The following PDE4B variants were observed in gnomAD, a reference collection of about 807,000 sequenced individuals.
The protein encoded by PDE4B is 3',5'-cyclic-AMP phosphodiesterase 4B.
A neutral mutation model predicts 82.2 loss-of-function variants in PDE4B; 20 were observed. The observed-to-expected ratio is 0.24, with a 90% confidence interval of 0.17 to 0.35. The LOEUF (loss-of-function observed/expected upper bound fraction) is 0.35. PDE4B is among the 10% of genes least tolerant of loss of function. The pLI is 1.00. For synonymous variants in PDE4B, 320 were observed against 318.9 expected (o/e 1.00, Z -0.04); for missense variants, 655 against 907.2 (o/e 0.72, Z 3.57).
intron 3 of PDE4B, among the ~76,000 whole-genome samples, chr1:65,939,565 A>G (rs946784690): frequency 6.6e-6 from 1 of 152,166 alleles, no homozygotes; most frequent in African/African-American, 2.4e-5. Context: ...AGCCTACCTC[A>G]TAAGTAATAC....
intron 4 of PDE4B, among the ~76,000 whole-genome samples, chr1:66,256,288 T>C (rs1557662513): frequency 6.6e-6 from 1 of 152,250 alleles, no homozygotes; most frequent in Non-Finnish European, 1.5e-5. Context: ...GTCTCAGTTC[T>C]TCTACTTACT....
chr1:66,300,975 A>G (rs1277564692), intron 7 of PDE4B, among the ~76,000 whole-genome samples: 1 of 152,186 alleles, frequency 6.6e-6, no homozygotes, highest in Non-Finnish European at 1.5e-5. Flanking sequence ...TATTAATATC[A>G]CAAACAGGCT....
chr1:66,177,556 A>G (rs976636177), intron 3 of PDE4B, among the ~76,000 whole-genome samples: 5 of 152,220 alleles, frequency 3.3e-5, no homozygotes, highest in African/African-American at 9.6e-5. Flanking sequence ...TTTGAAAACT[A>G]ATAATCACTC....
intron 7 of PDE4B, chr1:66,266,964 T>C (rs1409695761): frequency 4.8e-6 from 1 of 210,270 alleles, no homozygotes; most frequent in African/African-American, 2.3e-5. Flanking sequence ...CCAGCAGCGC[T>C]TCATACTTAA....
At chr1:66,229,307 C>A (rs929920380) in intron 3 of PDE4B, among the ~76,000 whole-genome samples, 1 of 152,102 alleles carries the variant, frequency 6.6e-6, no homozygotes, top group African/African-American at 2.4e-5. Flanking sequence ...CCATGCCCGG[C>A]CCCCCAGAGG....
intron 1 of PDE4B, among the ~76,000 whole-genome samples, chr1:65,892,186 G>A (rs1396233791): frequency 1.3e-5 from 2 of 152,036 alleles, no homozygotes; most frequent in Admixed American, 1.3e-4. Context: ...TTACTGGTGA[G>A]GAAACTGAGG....
At chr1:66,151,354 T>TG (rs1166360702) in intron 3 of PDE4B, among the ~76,000 whole-genome samples, 2 of 152,200 alleles carry the variant, frequency 1.3e-5, no homozygotes, top group Non-Finnish European at 2.9e-5. Context: ...ATGTGGAACT[T>TG]GCTGAACCCC....
intron 8 of PDE4B, among the ~76,000 whole-genome samples, chr1:66,340,299 AG>A (rs1335493752): frequency 2.0e-5 from 3 of 152,240 alleles, no homozygotes; most frequent in Non-Finnish European, 4.4e-5. Flanking sequence ...CCACAAAGAA[AG>A]GACTGTTAAG....
At chr1:65,890,318 C>T (rs1646839606) in intron 1 of PDE4B, among the ~76,000 whole-genome samples, 1 of 152,012 alleles carries the variant, frequency 6.6e-6, no homozygotes. Context: ...TGGCTGAGCA[C>T]ATCAGGTTTC....
intron 1 of PDE4B, among the ~76,000 whole-genome samples, chr1:65,912,372 T>C (rs924046451): frequency 2.0e-5 from 3 of 152,168 alleles, no homozygotes; most frequent in African/African-American, 7.2e-5. Context: ...TAGATACTAT[T>C]TCACCTTTTA....
chr1:66,301,372 C>T (rs1399419937), intron 7 of PDE4B, among the ~76,000 whole-genome samples: 1 of 152,046 alleles, frequency 6.6e-6, no homozygotes, highest in African/African-American at 2.4e-5. Context: ...AAACCGTTTT[C>T]ACTTTCATTT....
At chr1:65,932,026 C>A (rs1328205848) in intron 3 of PDE4B, among the ~76,000 whole-genome samples, 1 of 152,184 alleles carries the variant, frequency 6.6e-6, no homozygotes, top group Non-Finnish European at 1.5e-5. Flanking sequence ...CTGCTTCCAA[C>A]ATCTTCTTGG....
At chr1:66,044,226 C>T (rs928680632) in intron 3 of PDE4B, among the ~76,000 whole-genome samples, 3 of 151,550 alleles carry the variant, frequency 2.0e-5, no homozygotes. Flanking sequence ...AAACATACTG[C>T]TTTCTATTTT....
chr1:66,255,768 T>C (rs536054213), intron 4 of PDE4B, among the ~76,000 whole-genome samples: 3 of 152,368 alleles, frequency 2.0e-5, no homozygotes, highest in African/African-American at 4.8e-5. Flanking sequence ...AAAATGTCTA[T>C]TACAGTTTTT....
chr1:66,343,667 G>T (rs1330033311), intron 8 of PDE4B, among the ~76,000 whole-genome samples: 4 of 152,218 alleles, frequency 2.6e-5, no homozygotes, highest in African/African-American at 9.6e-5. Context: ...AAGGATGGAA[G>T]TGAAAAGCAA....
At chr1:65,900,710 G>T (rs575988167) in intron 1 of PDE4B, among the ~76,000 whole-genome samples, 3 of 151,902 alleles carry the variant, frequency 2.0e-5, no homozygotes, top group African/African-American at 7.2e-5. Flanking sequence ...TTACATTTTT[G>T]CATGACTATT....
In PDE4B at chr1:66,146,888, G is replaced by A. The variant is rs144072658; in HGVS notation, c.282-100572G>A. 8.3e-3 allele frequency among the ~76,000 whole-genome samples: 1,263 copies of A among 152,164 alleles called. 27 individuals are homozygous for A. Among genetic ancestry groups the A allele is most frequent in the African/African-American group, 0.028 (1,179 of 41,516 alleles). ...AAATCTGTACTTTCTTGTTCCTATT[G>A]CACACTAAAAATGATGGGTAAACAC... On this transcript the variant is annotated intron_variant, in intron 3 of 16. Transcript: ENST00000341517.
intron 2 of PDE4B, among the ~76,000 whole-genome samples, chr1:65,917,700 T>C (rs1647178838): frequency 6.6e-6 from 1 of 152,216 alleles, no homozygotes; most frequent in Non-Finnish European, 1.5e-5. Context: ...CATTAGGGCA[T>C]GTACTTGAAC....
At chr1:66,013,600 A>G (rs1284240731) in intron 3 of PDE4B, among the ~76,000 whole-genome samples, 1 of 152,052 alleles carries the variant, frequency 6.6e-6, no homozygotes, top group Non-Finnish European at 1.5e-5. Context: ...TTCATCTTTC[A>G]AAACTAAAAG....
Sources: allele counts gnomAD v4.1 joint callset (sites outside exome capture counted in the v4.1 genomes callset), GRCh38; gene constraint gnomAD v4.1.1; transcripts MANE v1.5; gene names NCBI Gene and HGNC (gene_info 2026-07-23, HGNC 2026-07-21).